CACNA1B: variants seen among roughly 807,000 people sequenced by gnomAD.
CACNA1B encodes calcium voltage-gated channel subunit alpha1 B.
In CACNA1B, 70 loss-of-function variants were observed where a neutral mutation model predicts 247.2. The ratio of observed to expected loss-of-function variants is 0.28; its 90% CI spans 0.23 to 0.35. The LOEUF (loss-of-function observed/expected upper bound fraction) is 0.35. Among genes scored for constraint, CACNA1B ranks in the 10% least tolerant of loss-of-function variants. The pLI, the probability that CACNA1B is intolerant of heterozygous loss-of-function variation, is 1.00. For missense variants in CACNA1B, 2,367 were observed against 3,197.4 expected (o/e 0.74, Z 6.26); for synonymous variants, 1,231 against 1,294.4 (o/e 0.95, Z 1.05).
chr9:137,946,042 G>A (rs1023971591), intron 6 of CACNA1B, among the ~76,000 whole-genome samples: 5 of 151,954 alleles, frequency 3.3e-5, no homozygotes, highest in African/African-American at 9.7e-5. Context: ...GGCTGGTCTC[G>A]AACTCCTGAC....
Position 138,051,070 on chromosome 9 carries a change from G to A in CACNA1B, c.3711-1022G>A, listed in dbSNP as rs551253807. 6.6e-6 allele frequency among the ~76,000 whole-genome samples: 1 copy of A among 152,274 alleles called. No homozygotes were observed. The highest frequency in any genetic ancestry group is 2.4e-5 in the African/African-American group (1 of 41,560). On this transcript the variant is annotated intron_variant, in intron 24 of 46. Coordinates refer to ENST00000371372, the MANE Select transcript of CACNA1B (RefSeq NM_000718.4). The surrounding 1 kb of genome is among the most constrained non-coding windows in gnomAD (Gnocchi z 4.3). The stretch of plus-strand genomic sequence containing the variant: ...GAGCAGGGTGGGAAGGGTTCCATGT[G>A]TGAGTGAATCCCACTCAGTCCTGAG...
intron 3 of CACNA1B, among the ~76,000 whole-genome samples, chr9:137,887,112 CGGA>C (rs1367196304): frequency 2.4e-4 from 36 of 151,918 alleles, no homozygotes; most frequent in African/African-American, 8.2e-4. Flanking sequence ...GGCGGAGCAG[CGGA>C]GGTGTGCCTG....
At chr9:137,979,209 C>T (rs986068691) in intron 12 of CACNA1B, among the ~76,000 whole-genome samples, 2 of 152,204 alleles carry the variant, frequency 1.3e-5, no homozygotes, top group Non-Finnish European at 2.9e-5. Flanking sequence ...AGGTGTGGCA[C>T]TGGGTATCTC....
chr9:138,108,499 G>A (rs958536883), intron 39 of CACNA1B, among the ~76,000 whole-genome samples: 2 of 152,026 alleles, frequency 1.3e-5, no homozygotes, highest in African/African-American at 4.8e-5. Context: ...GTGGAAAAAG[G>A]GAATATTTTC....
At chr9:138,080,975 C>T (rs931843627) in intron 36 of CACNA1B, among the ~76,000 whole-genome samples, 3 of 152,114 alleles carry the variant, frequency 2.0e-5, no homozygotes, top group Admixed American at 6.5e-5. Flanking sequence ...GAAGGATTTC[C>T]ATGTTTGAGT....
intron 20 of CACNA1B, among the ~76,000 whole-genome samples, chr9:138,029,949 T>G (rs1404032333): frequency 6.6e-6 from 1 of 152,156 alleles, no homozygotes; most frequent in Admixed American, 6.5e-5. Context: ...ACTATGTAAT[T>G]TTGGCTTATA....
intron 15 of CACNA1B, among the ~76,000 whole-genome samples, chr9:138,000,273 T>C (rs955631707): frequency 3.4e-4 from 52 of 152,010 alleles, no homozygotes; most frequent in Non-Finnish European, 4.1e-4. Flanking sequence ...TAATTTTTTG[T>C]ATTTTTAGTA....
At position 137,917,488 on chromosome 9, in the gene CACNA1B, G is replaced by A; in HGVS notation, c.966+57G>A. 6.7e-7 allele frequency: 1 copy of A among 1,484,926 alleles called. No individual in the cohort carries two copies. The highest frequency in any genetic ancestry group is 9.3e-7 in the Non-Finnish European group (1 of 1,080,240). The allele number at this position is 1,484,926 out of a possible 1,614,324, so 92.0% of individuals were successfully genotyped here. A position where few individuals can be genotyped will look rare whatever the true frequency, so the allele number is the denominator to read the frequency against. ...CAGGCCCTGGACCTCCTGAGCTGGTGCCTCTGGGGGTCCATTTAGGGGGGC... is the reference window on the plus strand; with the variant it reads ...CAGGCCCTGGACCTCCTGAGCTGGTACCTCTGGGGGTCCATTTAGGGGGGC... On this transcript the variant is annotated intron_variant, in intron 6 of 46. Coordinates refer to ENST00000371372, the MANE Select transcript of CACNA1B (RefSeq NM_000718.4). This position sits in a 1 kb window ranked among gnomAD's most constrained non-coding sequence, Gnocchi z 5.5.
At chr9:137,984,273 C>CGA in intron 13 of CACNA1B, 23 bp downstream of exon 13, 1 of 1,510,566 alleles carries the variant, frequency 6.6e-7, no homozygotes, top group Non-Finnish European at 9.0e-7. Flanking sequence ...CGCTCCCAGG[C>CGA]GAGGGCAGGT....
chr9:138,110,308 T>C (rs968429228), intron 39 of CACNA1B, among the ~76,000 whole-genome samples: 3 of 151,940 alleles, frequency 2.0e-5, no homozygotes, highest in African/African-American at 7.3e-5. Context: ...AGAGACGGGG[T>C]TTCACCATGT....
intron 3 of CACNA1B, among the ~76,000 whole-genome samples, chr9:137,893,225 C>T (rs1174083128): frequency 4.1e-5 from 6 of 145,526 alleles, no homozygotes; most frequent in African/African-American, 1.5e-4. Flanking sequence ...AAAATAAAAG[C>T]TGGCCCTTTT....
chr9:138,100,679 G>A lies in CACNA1B; in HGVS notation c.5223-2032G>A, dbSNP rs1961221771. 3.3e-5 allele frequency among the ~76,000 whole-genome samples: 5 copies of A among 152,148 alleles called. No individual in the cohort carries two copies. Among genetic ancestry groups the A allele is most frequent in the Admixed American group, 2.6e-4 (4 of 15,272 alleles). ...CAGGGGAGGACACAGAGTGTTCAGG[G>A]AGACAGGGTCAGTCAGGAGGCAAAT... On this transcript the variant is annotated intron_variant, in intron 37 of 46. Transcript: ENST00000371372. The surrounding 1 kb of genome is among the most constrained non-coding windows in gnomAD (Gnocchi z 4.6).
chr9:138,043,658 G>C, intron 20 of CACNA1B, 116 bp from the exon 21 acceptor site: 7 of 1,146,086 alleles, frequency 6.1e-6, no homozygotes, highest in Non-Finnish European at 9.0e-6. Flanking sequence ...GCCCATCCCT[G>C]GTGGGCCTGT....
At chr9:138,119,839 G>A (rs962765260) in intron 44 of CACNA1B, among the ~76,000 whole-genome samples, 5 of 152,198 alleles carry the variant, frequency 3.3e-5, no homozygotes, top group Admixed American at 6.5e-5. Flanking sequence ...CAGCTCGGGA[G>A]CCAGTCCACC....
In CACNA1B at chr9:138,078,224, A is replaced by T; in HGVS notation, c.5060A>T (p.Tyr1687Phe). 1.2e-6 allele frequency: 2 copies of T among 1,613,858 alleles called. No individual in the cohort carries two copies. Among genetic ancestry groups the T allele is most frequent in the Non-Finnish European group, 1.7e-6 (2 of 1,179,850 alleles). ...TGTGGAAGTGACTTTGCCTACTTCTACTTCGTCTCCTTCATCTTCCTGTGC... is the reference window on the plus strand; with the variant it reads ...TGTGGAAGTGACTTTGCCTACTTCTTCTTCGTCTCCTTCATCTTCCTGTGC... ...TECGSDFAYF[Y>F]FVSFIFLCSF... The change falls in exon 36 of 47, where the codon TAC becomes TTC. Residue 1687 changes from tyrosine (Y) to phenylalanine (F), a missense_variant. Physicochemically the swap from Tyr to Phe is conservative, Grantham distance 22 (BLOSUM62 3). Transcript: ENST00000371372.
chr9:137,975,818 G>A, intron 11 of CACNA1B, 89 bp from the exon 12 acceptor site: 1 of 780,092 alleles, frequency 1.3e-6, no homozygotes, highest in Non-Finnish European at 2.3e-6. Context: ...CCCTGGGAAG[G>A]CCCAGAGGTC....
At chr9:137,984,955 T>A (rs912521935) in intron 13 of CACNA1B, among the ~76,000 whole-genome samples, 5 of 152,192 alleles carry the variant, frequency 3.3e-5, no homozygotes, top group Non-Finnish European at 5.9e-5. Flanking sequence ...GAGACTCTCC[T>A]CACAGCAGTC....
Position 138,006,896 on chromosome 9 carries a change from T to G in CACNA1B, c.2092+12T>G, listed in dbSNP as rs1958658892. ...ACTGTTCGGAAACTGTATCCTTCTG[T>G]GGGGCTGGGGCAGAGGGTGGTCAGT... On this transcript the variant is annotated intron_variant, in intron 16 of 46. Transcript: ENST00000371372. 14 of 1,410,904 alleles carry G rather than the reference T, an allele frequency of 9.9e-6. No individual in the cohort carries two copies. In the South Asian group the frequency reaches 1.3e-4, roughly 13 times the overall value. 87.4% of individuals were successfully genotyped at this position (1,410,904 alleles called of 1,614,324 possible).
intron 36 of CACNA1B, among the ~76,000 whole-genome samples, chr9:138,079,787 CT>C (rs1238246120): frequency 7.1e-6 from 1 of 140,988 alleles, no homozygotes; most frequent in Non-Finnish European, 1.5e-5. Context: ...AGACAGGAGA[CT>C]CGCTAGAACC....
Sources: allele counts gnomAD v4.1 joint callset (sites outside exome capture counted in the v4.1 genomes callset), GRCh38; gene constraint gnomAD v4.1.1; non-coding constraint Gnocchi (gnomAD v3.1); transcripts MANE v1.5; gene names NCBI Gene and HGNC (gene_info 2026-07-23, HGNC 2026-07-21).